The following PCLO variants were observed in gnomAD, a reference collection of about 807,000 sequenced individuals.
The protein encoded by PCLO is piccolo presynaptic cytomatrix protein.
A neutral mutation model predicts 427.5 loss-of-function variants in PCLO; 82 were observed. That is an observed-to-expected ratio of 0.19 (90% CI 0.16 to 0.23). The LOEUF (loss-of-function observed/expected upper bound fraction) is 0.23, where lower values mean the gene tolerates loss of function less well. Ranked by LOEUF, PCLO falls within the 10% of genes least tolerant of loss-of-function variation. The probability of loss-of-function intolerance (pLI) is 1.00; values close to 1 mark genes in which losing one functional copy is unlikely to be tolerated. For synonymous variants in PCLO, 2,357 were observed against 2,155.4 expected (o/e 1.09, Z -2.59); for missense variants, 6,239 against 6,115.9 (o/e 1.02, Z -0.67).
chr7:83,011,231 A>G (rs1467914821), intron 3 of PCLO, among the ~76,000 whole-genome samples: 1 of 152,120 alleles, frequency 6.6e-6, no homozygotes, highest in African/African-American at 2.4e-5. Context: ...CTAAAAAGAA[A>G]TATCTTTAAC....
At chr7:82,770,761 A>G (rs1790630101) in intron 22 of PCLO, among the ~76,000 whole-genome samples, 1 of 151,878 alleles carries the variant, frequency 6.6e-6, no homozygotes, top group African/African-American at 2.4e-5. Flanking sequence ...AGAATTACCT[A>G]TAATTAGTGC....
At chr7:82,992,321 A>C (rs142006519) in intron 3 of PCLO, among the ~76,000 whole-genome samples, 4 of 152,202 alleles carry the variant, frequency 2.6e-5, no homozygotes, top group Admixed American at 2.6e-4. Context: ...AAGACAAATG[A>C]GTACCCTCTC....
intron 3 of PCLO, among the ~76,000 whole-genome samples, chr7:83,128,008 T>C (rs1436373250): frequency 1.3e-5 from 2 of 152,050 alleles, no homozygotes; most frequent in Admixed American, 1.3e-4. Flanking sequence ...TGTATGCATA[T>C]GCAATATCAA....
intron 9 of PCLO, among the ~76,000 whole-genome samples, chr7:82,889,640 G>A (rs138136752): frequency 2.8e-4 from 42 of 152,082 alleles, no homozygotes; most frequent in African/African-American, 9.6e-4. Flanking sequence ...ATATTGTAAG[G>A]GAATAATAAA....
chr7:82,990,336 A>G (rs1430651428), intron 3 of PCLO, among the ~76,000 whole-genome samples: 1 of 152,186 alleles, frequency 6.6e-6, no homozygotes, highest in African/African-American at 2.4e-5. Flanking sequence ...AAATGTGTGG[A>G]CTAAGATCAA....
chr7:83,071,079 A>G (rs1789804236), intron 3 of PCLO, among the ~76,000 whole-genome samples: 1 of 151,802 alleles, frequency 6.6e-6, no homozygotes, highest in Non-Finnish European at 1.5e-5. Context: ...ATGCCATTTT[A>G]ACCAGTTTAA....
intron 10 of PCLO, among the ~76,000 whole-genome samples, chr7:82,865,606 AC>A (rs761013631): frequency 4.6e-5 from 7 of 151,824 alleles, no homozygotes; most frequent in African/African-American, 9.7e-5. Flanking sequence ...AGACTTAGAT[AC>A]AAAATACTCT....
Position 82,901,373 on chromosome 7 carries a change from T to C in PCLO, c.13528+1278A>G, listed in dbSNP as rs189058466. On this transcript the variant is annotated intron_variant, in intron 9 of 24. Coordinates refer to ENST00000333891, the MANE Select transcript of PCLO (RefSeq NM_033026.6). Reference sequence around the variant, plus strand: ...TTAGAATAAAAACTGGCTAGCCATATGTAGAAAGCTGAAACTGGATCCCTT... The same window carrying C: ...TTAGAATAAAAACTGGCTAGCCATACGTAGAAAGCTGAAACTGGATCCCTT... Among the ~76,000 whole-genome samples the C allele has an allele frequency of 7.6e-3, 1,153 of 152,146 alleles. 12 individuals are homozygous for C. Among genetic ancestry groups the C allele is most frequent in the African/African-American group, 0.026 (1,090 of 41,550 alleles).
intron 22 of PCLO, among the ~76,000 whole-genome samples, chr7:82,771,345 A>G (rs910390481): frequency 5.9e-5 from 9 of 151,992 alleles, no homozygotes; most frequent in African/African-American, 1.9e-4. Flanking sequence ...TAAGTTCTTT[A>G]GGTTCAAATA....
In PCLO at chr7:82,827,921, AT is replaced by A; in HGVS notation, c.14294del (p.Asn4765IlefsTer8). 1 of 1,604,750 alleles carries A rather than the reference AT, an allele frequency of 6.2e-7. No homozygotes were observed. Among genetic ancestry groups the A allele is most frequent in the Non-Finnish European group, 8.5e-7 (1 of 1,172,576 alleles). On this transcript the variant is annotated frameshift_variant, in exon 17 of 25. Transcript: ENST00000333891. LOFTEE classifies it high-confidence loss of function. The stretch of plus-strand genomic sequence containing the variant: ...AAATTACTGTTTGATTCCACTCAGG[AT>A]TAAGACTTTTCTGGACATGTTTAGT... ...RRTKHVQKSL[N>X]PEWNQTVIYK...
At chr7:83,076,669 T>C (rs113392073) in intron 3 of PCLO, among the ~76,000 whole-genome samples, 13,728 of 150,540 alleles carry the variant, frequency 0.091, 885 homozygotes, top group Non-Finnish European at 0.13. Flanking sequence ...CTTTAAGTTT[T>C]AGGGTACATG....
At chr7:82,968,517 C>CTTTTTTTTTTTTTTTTTTTTTTTTTTTTT in intron 3 of PCLO, among the ~76,000 whole-genome samples, 1 of 73,228 alleles carries the variant, frequency 1.4e-5, no homozygotes, top group Admixed American at 1.6e-4. Context: ...CAGAGTCTGA[C>CTTTTTTTTTTTTTTTTTTTTTTTTTTTTT]TTTTTTTTTT....
intron 22 of PCLO, among the ~76,000 whole-genome samples, chr7:82,789,597 C>A (rs765410560): frequency 6.6e-6 from 1 of 152,014 alleles, no homozygotes; most frequent in African/African-American, 2.4e-5. Context: ...TCCAGCTACT[C>A]GGGAGGCTGA....
chr7:82,865,401 T>C (rs1309948173), intron 10 of PCLO, among the ~76,000 whole-genome samples: 4 of 152,058 alleles, frequency 2.6e-5, no homozygotes, highest in Non-Finnish European at 5.9e-5. Flanking sequence ...GGCAGGAGAA[T>C]CACTTGAACC....
intron 3 of PCLO, among the ~76,000 whole-genome samples, chr7:83,108,050 A>G (rs1396251025): frequency 6.6e-6 from 1 of 151,470 alleles, no homozygotes; most frequent in Non-Finnish European, 1.5e-5. Flanking sequence ...GTTTCAAATT[A>G]TAATAGTTTT....
At chr7:82,930,624 T>C (rs1280439043) in intron 6 of PCLO, among the ~76,000 whole-genome samples, 1 of 152,202 alleles carries the variant, frequency 6.6e-6, no homozygotes, top group Non-Finnish European at 1.5e-5. Flanking sequence ...GCATGAACTC[T>C]GATTTCTTTG....
chr7:83,079,154 T>G (rs1790032251), intron 3 of PCLO, among the ~76,000 whole-genome samples: 1 of 152,100 alleles, frequency 6.6e-6, no homozygotes, highest in Non-Finnish European at 1.5e-5. Context: ...AAATTAGGAC[T>G]ACATTAAAAA....
intron 3 of PCLO, among the ~76,000 whole-genome samples, chr7:82,982,598 A>AT (rs1354109336): frequency 6.6e-6 from 1 of 152,024 alleles, no homozygotes. Context: ...CTTAATATTG[A>AT]TTTTTTTAAA....
rs1179599163 is a variant in PCLO, at chr7:82,891,665, T to C, written c.13528+10986A>G. Among the ~76,000 whole-genome samples, 4 of 152,126 alleles carry C rather than the reference T, an allele frequency of 2.6e-5. No homozygotes were observed. The East Asian group carries it at 7.7e-4, about 29-fold the overall frequency. ...TTTGCCCATTCAGTATGATATTGGC[T>C]GTGGGTTTGTCATAGATAGCTCTTA... On this transcript the variant is annotated intron_variant, in intron 9 of 24. Coordinates refer to ENST00000333891, the MANE Select transcript of PCLO (RefSeq NM_033026.6).
Sources: allele counts gnomAD v4.1 joint callset (sites outside exome capture counted in the v4.1 genomes callset), GRCh38; gene constraint gnomAD v4.1.1; transcripts MANE v1.5; gene names NCBI Gene and HGNC (gene_info 2026-07-23, HGNC 2026-07-21).